L1TD1: variants seen among roughly 807,000 people sequenced by gnomAD.
L1TD1 encodes the protein LINE-1 type transposase domain-containing protein 1.
L1TD1 carries 26 observed loss-of-function variants against 25.7 expected under a neutral mutation model. The observed-to-expected ratio is 1.01, with a 90% CI of 0.74 to 1.40. The LOEUF (loss-of-function observed/expected upper bound fraction) is 1.40. Ranked by LOEUF, L1TD1 falls within the 40% of genes most tolerant of loss-of-function variation. The pLI is 0.00. For synonymous variants in L1TD1, 421 were observed against 335.6 expected, an observed-to-expected ratio of 1.25 and a Z score of -2.78; for missense variants, 1,130 against 975.0, an observed-to-expected ratio of 1.16 and a Z score of -2.12.
chr1:62,212,250 A>G lies in L1TD1; in HGVS notation c.*878A>G, dbSNP rs1375534522. 1 of 152,168 alleles carries G rather than the reference A, an allele frequency of 6.6e-6. No homozygotes were observed. The highest frequency in any genetic ancestry group is 1.5e-5 in the Non-Finnish European group (1 of 68,038). 9.4% of individuals were successfully genotyped at this position (152,168 alleles called of 1,614,324 possible). ...AAAGTGTCTACAAAAAAATACAAAA[A>G]GAGGAAGAAATGATATTTCACAAGT... On this transcript the variant is annotated 3_prime_UTR_variant, in exon 4 of 4. Transcript: ENST00000498273.
intron 3 of L1TD1, 29 bp from the exon 4 acceptor site, chr1:62,209,754 C>A: frequency 7.1e-7 from 1 of 1,412,854 alleles, no homozygotes; most frequent in African/African-American, 1.4e-5. Context: ...ACAAATAACT[C>A]TTTTTTTTCT....
Position 62,210,719 on chromosome 1 carries a change from G to C in L1TD1, c.1945G>C (p.Val649Leu), listed in dbSNP as rs571071314. 2 of 1,551,780 alleles carry C rather than the reference G, an allele frequency of 1.3e-6. No individual in the cohort carries two copies. Among genetic ancestry groups the C allele is most frequent in the South Asian group, 2.4e-5 (2 of 84,078 alleles). ...AGGTGTCTTGGAAATTGAAAATTCA[G>C]TAGATGATCTGAGTAGCAGAATGGA... ...HSGVLEIENS[V>L]DDLSSRMDIL... Residue 649 changes from valine (V) to leucine (L), a missense_variant, in exon 4 of 4, where the codon GTA becomes CTA. By Grantham distance (32) the Val-to-Leu change is conservative. Coordinates refer to ENST00000498273, the MANE Select transcript of L1TD1 (RefSeq NM_019079.5).
At position 62,209,780 on chromosome 1, in the gene L1TD1, C is replaced by T; in HGVS notation, c.1009-3C>T. ...TTTTTTTTCTTCTTTGTTTAACTTT[C>T]AGGATAAAACCCTAATAGACTCAAA... On this transcript the variant is annotated splice_polypyrimidine_tract_variant and splice_region_variant and intron_variant, in intron 3 of 3. Transcript: ENST00000498273. 1.4e-6 allele frequency: 2 copies of T among 1,477,952 alleles called. No individual in the cohort carries two copies. Among genetic ancestry groups the T allele is most frequent in the Admixed American group, 2.4e-5 (1 of 42,470 alleles). The allele number at this position is 1,477,952 out of a possible 1,614,324, so 91.6% of individuals were successfully genotyped here.
Position 62,209,912 on chromosome 1 carries a change from G to A in L1TD1, c.1138G>A (p.Glu380Lys), listed in dbSNP as rs753368726. ...GAAAAACTTAGAGACTCAAGAGGAA[G>A]AGTTTTCCGAGCTAGAGGAGCTGGA... ...EMKNLETQEE[E>K]FSELEELDEE... The change falls in exon 4 of 4, where the codon GAG becomes AAG. Residue 380 changes from glutamate to lysine, a missense_variant. Coordinates refer to ENST00000498273, the MANE Select transcript of L1TD1 (RefSeq NM_019079.5). The A allele has an allele frequency of 3.7e-6, 6 of 1,614,098 alleles. No individual in the cohort carries two copies. The highest frequency in any genetic ancestry group is 3.3e-5 in the South Asian group (3 of 91,074).
intron 2 of L1TD1, among the ~76,000 whole-genome samples, chr1:62,204,354 C>T (rs935904715): frequency 6.6e-6 from 1 of 152,088 alleles, no homozygotes; most frequent in Non-Finnish European, 1.5e-5. Flanking sequence ...CCTCAAAGCA[C>T]CACTTTAGCT....
In L1TD1 at chr1:62,212,118, T is replaced by G. The variant is rs955771289; in HGVS notation, c.*746T>G. On this transcript the variant is annotated 3_prime_UTR_variant, in exon 4 of 4. Coordinates refer to ENST00000498273, the MANE Select transcript of L1TD1 (RefSeq NM_019079.5). ...GAAAAGATGGCAAGGTTAGTTAAAA[T>G]AGAAAAGTGCTCAGTTCCTCATACC... 4 of 152,026 alleles carry G rather than the reference T, an allele frequency of 2.6e-5. No homozygotes were observed. The highest frequency in any genetic ancestry group is 5.9e-5 in the Non-Finnish European group (4 of 68,034). The allele number at this position is 152,026 out of a possible 1,614,324, so 9.4% of individuals were successfully genotyped here.
Position 62,210,402 on chromosome 1 carries a change from G to A in L1TD1, c.1628G>A (p.Ser543Asn), listed in dbSNP as rs749070660. ...QEEEETAVPT[S>N]QGTGTPCLTL... ...GAAGAGGAAACAGCTGTGCCCACAAGTCAAGGAACTGGCACACCCTGTCTG... is the reference window on the plus strand; with the variant it reads ...GAAGAGGAAACAGCTGTGCCCACAAATCAAGGAACTGGCACACCCTGTCTG... Residue 543 changes from serine (S) to asparagine (N), a missense_variant, in exon 4 of 4, where the codon AGT becomes AAT. Physicochemically the swap from Ser to Asn is conservative, Grantham distance 46 (BLOSUM62 1). Coordinates refer to ENST00000498273, the MANE Select transcript of L1TD1 (RefSeq NM_019079.5). 9.3e-6 allele frequency: 15 copies of A among 1,614,080 alleles called. No individual in the cohort carries two copies. The highest frequency in any genetic ancestry group is 1.1e-5 in the Non-Finnish European group (13 of 1,180,028).
Position 62,210,699 on chromosome 1 carries a change from T to G in L1TD1, c.1925T>G (p.Val642Gly), listed in dbSNP as rs773410172. Residue 642 changes from valine (V) to glycine (G), a missense_variant, in exon 4 of 4, where the codon GTC (valine) becomes GGC (glycine). By Grantham distance (109) the Val-to-Gly change is moderately radical. Transcript: ENST00000498273. ...AATTTGAAAAGTTCCCATTCAGGTGTCTTGGAAATTGAAAATTCAGTAGAT... is the reference window on the plus strand; with the variant it reads ...AATTTGAAAAGTTCCCATTCAGGTGGCTTGGAAATTGAAAATTCAGTAGAT... ...IGNLKSSHSG[V>G]LEIENSVDDL... The G allele has an allele frequency of 1.9e-6, 3 of 1,552,204 alleles. No homozygotes were observed. The highest frequency in any genetic ancestry group is 2.6e-6 in the Non-Finnish European group (3 of 1,147,184).
intron 2 of L1TD1, among the ~76,000 whole-genome samples, chr1:62,200,803 C>G (rs1276672347): frequency 6.6e-6 from 1 of 152,034 alleles, no homozygotes; most frequent in Non-Finnish European, 1.5e-5. Flanking sequence ...AAAGTGGTCT[C>G]ATTGTTTTTT....
At chr1:62,197,424 T>TATAC (rs1670565701) in intron 2 of L1TD1, among the ~76,000 whole-genome samples, 1 of 140,880 alleles carries the variant, frequency 7.1e-6, no homozygotes, top group Non-Finnish European at 1.5e-5. Context: ...TATATATATA[T>TATAC]ATATATATAG....
intron 3 of L1TD1, among the ~76,000 whole-genome samples, chr1:62,209,419 A>G (rs912035570): frequency 1.4e-4 from 21 of 151,612 alleles, no homozygotes; most frequent in Admixed American, 4.6e-4. Flanking sequence ...TACAATGCCT[A>G]TTTACCATAG....
chr1:62,211,567 A>G lies in L1TD1; in HGVS notation c.*195A>G. The G allele has an allele frequency of 1.2e-6, 1 of 850,454 alleles. No homozygotes were observed. Among genetic ancestry groups the G allele is most frequent in the Non-Finnish European group, 1.7e-6 (1 of 603,900 alleles). 52.7% of individuals were successfully genotyped at this position (850,454 alleles called of 1,614,324 possible). On this transcript the variant is annotated 3_prime_UTR_variant, in exon 4 of 4. Transcript: ENST00000498273. ...TGTTTAAAAAAAATAGGCTGGTCTC[A>G]ATGTAGTGAGTTATTTCAGTTGATC...
chr1:62,204,578 T>A (rs1028311133), intron 2 of L1TD1, among the ~76,000 whole-genome samples: 1 of 152,204 alleles, frequency 6.6e-6, no homozygotes, highest in Admixed American at 6.5e-5. Context: ...ATTTCTGAAA[T>A]TATTTTTTAG....
At position 62,207,007 on chromosome 1, in the gene L1TD1, G is replaced by C; in HGVS notation, c.379G>C (p.Gly127Arg). Reference protein sequence around the residue: ...GKIEGENSKIGDDNENLTFKL... With the variant: ...GKIEGENSKIRDDNENLTFKL... ...AATAGAAGGAGAAAACTCTAAAATA[G>C]GTGATGATAATGAAAATTTAACCTT... The change falls in exon 3 of 4, where the codon GGT becomes CGT. Residue 127 changes from glycine to arginine, a missense_variant. Transcript: ENST00000498273. The C allele has an allele frequency of 6.2e-7, 1 of 1,613,220 alleles. No homozygotes were observed. The highest frequency in any genetic ancestry group is 1.1e-5 in the South Asian group (1 of 90,884).
chr1:62,203,163 A>G (rs189401816), intron 2 of L1TD1, among the ~76,000 whole-genome samples: 1 of 152,226 alleles, frequency 6.6e-6, no homozygotes, highest in Non-Finnish European at 1.5e-5. Flanking sequence ...AGATGTATAT[A>G]TTTATTTCCA....
At position 62,206,686 on chromosome 1, in the gene L1TD1, G is replaced by C. The variant is rs756973770; in HGVS notation, c.58G>C (p.Glu20Gln). Residue 20 changes from glutamate to glutamine, a missense_variant, in exon 3 of 4, where the codon GAA (glutamate) becomes CAA (glutamine). By Grantham distance (29) the Glu-to-Gln change is conservative. Transcript: ENST00000498273. ...ATTTGCTAGACTTGCAAAGAAAAAG[G>C]AAAATATCACCTATATGAAAAGAGA... is the stretch of plus-strand genomic sequence containing the variant. ...SKFARLAKKK[E>Q]NITYMKREQL... is the part of the protein sequence containing the mutation. 1 of 1,548,170 alleles carries C rather than the reference G, an allele frequency of 6.5e-7. No homozygotes were observed.
At chr1:62,205,874 G>T (rs1570927524) in intron 2 of L1TD1, among the ~76,000 whole-genome samples, 1 of 152,012 alleles carries the variant, frequency 6.6e-6, no homozygotes, top group South Asian at 2.1e-4. Flanking sequence ...TGGGACCACA[G>T]GCGTGTGTCA....
Position 62,211,363 on chromosome 1 carries a change from T to A in L1TD1, c.2589T>A (p.Asn863Lys). ...CCTTGAGAGAATTACTGGGGAATAA[T>A]ATACCTTAGCACGCCAGGGTGACTA... ...MPTLRELLGNNIP is the reference protein window; with the variant it reads ...MPTLRELLGNKIP Residue 863 changes from asparagine (N) to lysine (K), a missense_variant, in exon 4 of 4, where the codon AAT becomes AAA. By Grantham distance (94) the Asn-to-Lys change is moderately conservative. Coordinates refer to ENST00000498273, the MANE Select transcript of L1TD1 (RefSeq NM_019079.5). 1 of 1,602,706 alleles carries A rather than the reference T, an allele frequency of 6.2e-7. No individual in the cohort carries two copies.
chr1:62,206,482 T>A, intron 2 of L1TD1, 37 bp from the exon 3 acceptor site: 1 of 773,302 alleles, frequency 1.3e-6, no homozygotes, highest in Non-Finnish European at 1.9e-6. Context: ...TCAAGAGAAT[T>A]CTTTAGTAAG....
Sources: allele counts gnomAD v4.1 joint callset (sites outside exome capture counted in the v4.1 genomes callset), GRCh38; gene constraint gnomAD v4.1.1; transcripts MANE v1.5; gene names NCBI Gene and HGNC (gene_info 2026-07-23, HGNC 2026-07-21).